Variants in SPMAP2L observed in about 807,000 individuals in gnomAD.
The protein encoded by SPMAP2L is sperm microtubule associated protein 2 like, also known as sperm microtubule associated protein 2-like.
At chr4:56,559,026 TG>T in the SPMAP2L span, among the ~76,000 whole-genome samples, 1 of 151,270 alleles carries the variant, frequency 6.6e-6, no homozygotes, top group Non-Finnish European at 1.5e-5. Flanking sequence ...CTCCACCTCC[TG>T]GGTTCAAGGG....
the SPMAP2L span, among the ~76,000 whole-genome samples, chr4:56,565,713 G>C: frequency 6.6e-6 from 1 of 152,198 alleles, no homozygotes; most frequent in Non-Finnish European, 1.5e-5. Flanking sequence ...AATGAATTTT[G>C]TGTTTAGACT....
At chr4:56,594,273 A>T in the SPMAP2L span, 3 of 1,572,144 alleles carry the variant, frequency 1.9e-6, no homozygotes, top group African/African-American at 4.0e-5. Context: ...CGGTATATGA[A>T]GAAACTGGAA....
the SPMAP2L span, among the ~76,000 whole-genome samples, chr4:56,622,392 G>A: frequency 6.6e-6 from 1 of 152,176 alleles, no homozygotes; most frequent in Non-Finnish European, 1.5e-5. Context: ...TTCTCATTTG[G>A]TTGACTGTCA....
At chr4:56,545,576 C>T in the SPMAP2L span, among the ~76,000 whole-genome samples, 1 of 151,836 alleles carries the variant, frequency 6.6e-6, no homozygotes, top group Non-Finnish European at 1.5e-5. Flanking sequence ...ATAAAATTAG[C>T]GTGGCTTGGT....
At chr4:56,603,521 T>C in the SPMAP2L span, 3 of 451,784 alleles carry the variant, frequency 6.6e-6, no homozygotes, top group Admixed American at 1.1e-4. Context: ...TTTAGCAGAT[T>C]TGAGGACTCC....
At chr4:56,544,404 ATT>A in the SPMAP2L span, among the ~76,000 whole-genome samples, 1 of 152,110 alleles carries the variant, frequency 6.6e-6, no homozygotes, top group East Asian at 1.9e-4. Flanking sequence ...CTGAAGAATA[ATT>A]TTTTGGGGAA....
At chr4:56,551,578 G>A in the SPMAP2L span, among the ~76,000 whole-genome samples, 1 of 152,092 alleles carries the variant, frequency 6.6e-6, no homozygotes, top group African/African-American at 2.4e-5. Flanking sequence ...TATTCTATTT[G>A]TCTGACTCCT....
the SPMAP2L span, among the ~76,000 whole-genome samples, chr4:56,543,436 T>C: frequency 6.6e-6 from 1 of 151,888 alleles, no homozygotes; most frequent in South Asian, 2.1e-4. Context: ...CTCACACCTG[T>C]AATCCCAGCA....
chr4:56,615,670 C>T, the SPMAP2L span, among the ~76,000 whole-genome samples: 2 of 152,226 alleles, frequency 1.3e-5, no homozygotes, highest in Admixed American at 6.5e-5. Context: ...ATTGCTTGGA[C>T]CCAGAAGGCA....
chr4:56,593,044 C>A, the SPMAP2L span: 1 of 1,591,924 alleles, frequency 6.3e-7, no homozygotes, highest in Non-Finnish European at 8.6e-7. Flanking sequence ...AAAACCAGAT[C>A]TGGAGATCCT....
chr4:56,575,250 A>AC, the SPMAP2L span, among the ~76,000 whole-genome samples: 1 of 150,748 alleles, frequency 6.6e-6, no homozygotes, highest in African/African-American at 2.4e-5. Flanking sequence ...CTCCATCTCA[A>AC]AAAAAAAAAG....
At chr4:56,558,234 T>G in the SPMAP2L span, among the ~76,000 whole-genome samples, 1 of 152,114 alleles carries the variant, frequency 6.6e-6, no homozygotes, top group Non-Finnish European at 1.5e-5. Flanking sequence ...TCCCAAACTG[T>G]TGTTGGGATT....
At chr4:56,563,263 T>A in the SPMAP2L span, among the ~76,000 whole-genome samples, 1 of 150,712 alleles carries the variant, frequency 6.6e-6, no homozygotes, top group African/African-American at 2.4e-5. Context: ...CGGCTAATTT[T>A]TTTTTTTTTT....
chr4:56,580,709 A>C, the SPMAP2L span, among the ~76,000 whole-genome samples: 41 of 152,192 alleles, frequency 2.7e-4, no homozygotes, highest in African/African-American at 9.6e-4. Flanking sequence ...CTCAAGTCAG[A>C]AATGACGTGA....
chr4:56,577,687 C>T, the SPMAP2L span, among the ~76,000 whole-genome samples: 1 of 152,136 alleles, frequency 6.6e-6, no homozygotes, highest in Non-Finnish European at 1.5e-5. Context: ...GCGGAAATTA[C>T]GATATTCCTA....
chr4:56,566,695 C>CTTT, the SPMAP2L span, among the ~76,000 whole-genome samples: 193 of 92,388 alleles, frequency 2.1e-3, 2 homozygotes, highest in Non-Finnish European at 2.8e-3. Context: ...TTTTCTTTTT[C>CTTT]TTTTTTTTTT....
the SPMAP2L span, among the ~76,000 whole-genome samples, chr4:56,561,788 C>A: frequency 2.6e-5 from 4 of 152,128 alleles, no homozygotes; most frequent in Admixed American, 2.0e-4. Flanking sequence ...GCAGTGGCGC[C>A]ATCTTGGCTC....
At chr4:56,552,438 T>C in the SPMAP2L span, 1 of 657,888 alleles carries the variant, frequency 1.5e-6, no homozygotes, top group Non-Finnish European at 2.7e-6. Flanking sequence ...TCACATCAAA[T>C]ACAGCATTGG....
the SPMAP2L span, among the ~76,000 whole-genome samples, chr4:56,564,411 A>G: frequency 6.6e-6 from 1 of 152,192 alleles, no homozygotes; most frequent in Admixed American, 6.5e-5. Context: ...AAGTGCTGGG[A>G]TTACAAGCGT....
Sources: allele counts gnomAD v4.1 joint callset (sites outside exome capture counted in the v4.1 genomes callset), GRCh38; gene constraint gnomAD v4.1.1; transcripts MANE v1.5; gene names NCBI Gene and HGNC (gene_info 2026-07-23, HGNC 2026-07-21).